SLMAP: variants seen among roughly 807,000 people sequenced by gnomAD.
SLMAP encodes the protein sarcolemmal membrane-associated protein.
In SLMAP, 44 loss-of-function variants were observed where a neutral mutation model predicts 128.8. The ratio of observed to expected loss-of-function variants is 0.34; its 90% CI spans 0.27 to 0.44. SLMAP has a LOEUF of 0.44. SLMAP is among the 20% of genes least tolerant of loss of function. The pLI, the probability that SLMAP is intolerant of heterozygous loss-of-function variation, is 1.00. For missense variants in SLMAP, 787 were observed against 985.3 expected (o/e 0.80, Z 2.69); for synonymous variants, 327 against 348.8 (o/e 0.94, Z 0.70).
Position 57,906,332 on chromosome 3 carries a change from T to C in SLMAP, c.1502-1552T>C, listed in dbSNP as rs1013137441. ...TTTCTTTTTTTTTTTTTTTTTTTTT[T>C]AGAGACACAGTCACTCTCTGTCGCC... On this transcript the variant is annotated intron_variant, in intron 17 of 24. Transcript: ENST00000671191. Among the ~76,000 whole-genome samples the C allele has an allele frequency of 1.6e-3, 222 of 136,958 alleles. 1 individual carries two copies. The highest frequency in any genetic ancestry group is 0.012 in the Admixed American group (146 of 12,432). 89.8% of individuals were successfully genotyped at this position (136,958 alleles called of 152,430 possible). A position where few individuals can be genotyped will look rare whatever the true frequency, so the allele number is the denominator to read the frequency against.
At chr3:57,920,237 C>G (rs571890416) in intron 22 of SLMAP, among the ~76,000 whole-genome samples, 1 of 152,212 alleles carries the variant, frequency 6.6e-6, no homozygotes, top group Non-Finnish European at 1.5e-5. Context: ...CAGATCTTCA[C>G]ATCAACTGAA....
At chr3:57,822,975 T>A (rs967583560) in intron 2 of SLMAP, among the ~76,000 whole-genome samples, 1 of 152,204 alleles carries the variant, frequency 6.6e-6, no homozygotes, top group African/African-American at 2.4e-5. Flanking sequence ...AACAAATGGC[T>A]GGCTGCCACC....
At chr3:57,839,833 G>A (rs2093836693) in intron 3 of SLMAP, among the ~76,000 whole-genome samples, 1 of 151,758 alleles carries the variant, frequency 6.6e-6, no homozygotes, top group Non-Finnish European at 1.5e-5. Flanking sequence ...AGGATTACAG[G>A]CATAAGCCAC....
In SLMAP at chr3:57,849,794, TC is replaced by T; in HGVS notation, c.499del (p.Gln167SerfsTer20). The T allele has an allele frequency of 6.4e-7, 1 of 1,567,714 alleles. No homozygotes were observed. The highest frequency in any genetic ancestry group is 8.8e-7 in the Non-Finnish European group (1 of 1,137,748). Reference sequence around the variant, plus strand: ...CCAAGTATGTACTCTCAGGAACTATTCCAGCTTTCTCAGTATCTACAGGTAA... The same window carrying T: ...CCAAGTATGTACTCTCAGGAACTATTCAGCTTTCTCAGTATCTACAGGTAA... ...NTPSMYSQEL[F>X]QLSQYLQEAL... On this transcript the variant is annotated frameshift_variant, in exon 6 of 25. Transcript: ENST00000671191. LOFTEE classifies it high-confidence loss of function.
At chr3:57,888,169 A>G (rs1173814600) in intron 14 of SLMAP, among the ~76,000 whole-genome samples, 2 of 152,194 alleles carry the variant, frequency 1.3e-5, no homozygotes, top group Non-Finnish European at 1.5e-5. Context: ...TGAAAGTTGT[A>G]TGGTTCTGTG....
intron 2 of SLMAP, among the ~76,000 whole-genome samples, chr3:57,776,442 G>A (rs1207031077): frequency 6.6e-6 from 1 of 150,716 alleles, no homozygotes. Context: ...GATCAAATAA[G>A]TGATCGTTTA....
intron 2 of SLMAP, among the ~76,000 whole-genome samples, chr3:57,787,685 A>G (rs1266133611): frequency 6.6e-6 from 1 of 152,188 alleles, no homozygotes; most frequent in Admixed American, 6.5e-5. Flanking sequence ...CATGTTGGCC[A>G]GGCTGGTCTT....
intron 3 of SLMAP, among the ~76,000 whole-genome samples, chr3:57,833,162 T>C (rs191266312): frequency 6.6e-6 from 1 of 152,286 alleles, no homozygotes; most frequent in Non-Finnish European, 1.5e-5. Context: ...ACAAAAAGGA[T>C]GAGGTAATGA....
At chr3:57,846,419 A>G (rs1413165315) in intron 4 of SLMAP, among the ~76,000 whole-genome samples, 2 of 152,190 alleles carry the variant, frequency 1.3e-5, no homozygotes, top group Non-Finnish European at 2.9e-5. Context: ...TGTTTTGATT[A>G]AAGTTGTTCT....
At chr3:57,922,531 C>T (rs547459536) in intron 22 of SLMAP, among the ~76,000 whole-genome samples, 3 of 150,720 alleles carry the variant, frequency 2.0e-5, no homozygotes, top group South Asian at 2.1e-4. Flanking sequence ...CGGGTTCAAG[C>T]GATTTTCCTG....
chr3:57,790,726 C>CAT (rs2085283964), intron 2 of SLMAP, among the ~76,000 whole-genome samples: 1 of 151,956 alleles, frequency 6.6e-6, no homozygotes, highest in South Asian at 2.1e-4. Flanking sequence ...GAATTTATAC[C>CAT]ATATAAAATA....
At chr3:57,903,038 G>T (rs1177161557) in intron 17 of SLMAP, among the ~76,000 whole-genome samples, 1 of 152,128 alleles carries the variant, frequency 6.6e-6, no homozygotes, top group Non-Finnish European at 1.5e-5. Context: ...ACACAAGAAG[G>T]CTATAGACAG....
At chr3:57,797,119 T>A (rs1026687381) in intron 2 of SLMAP, among the ~76,000 whole-genome samples, 2 of 149,204 alleles carry the variant, frequency 1.3e-5, no homozygotes, top group Non-Finnish European at 3.0e-5. Flanking sequence ...GAGTTGGAGG[T>A]TACAGTGAGC....
At chr3:57,784,197 T>C (rs1436606300) in intron 2 of SLMAP, among the ~76,000 whole-genome samples, 4 of 152,142 alleles carry the variant, frequency 2.6e-5, no homozygotes, top group African/African-American at 9.6e-5. Flanking sequence ...ACCACAGAAC[T>C]ATAGGGCCAC....
At chr3:57,905,456 A>G (rs1057200028) in intron 17 of SLMAP, among the ~76,000 whole-genome samples, 2 of 151,742 alleles carry the variant, frequency 1.3e-5, no homozygotes, top group East Asian at 3.9e-4. Flanking sequence ...TAATTTTCGT[A>G]TTTTTAGTAG....
Position 57,866,428 on chromosome 3 carries a change from G to C in SLMAP, c.1237+1136G>C, listed in dbSNP as rs561753338. Among the ~76,000 whole-genome samples the C allele has an allele frequency of 1.3e-5, 2 of 152,292 alleles. 1 individual carries two copies. Among genetic ancestry groups the C allele is most frequent in the East Asian group, 3.9e-4 (2 of 5,182 alleles). On this transcript the variant is annotated intron_variant, in intron 13 of 24. Coordinates refer to ENST00000671191, the MANE Select transcript of SLMAP (RefSeq NM_001377540.1). ...TTTTGTTTGGTCAGGTTTTAATCAAGAGCTGGCAGTATAGGCTCAGGTAAT... is the reference window on the plus strand; with the variant it reads ...TTTTGTTTGGTCAGGTTTTAATCAACAGCTGGCAGTATAGGCTCAGGTAAT...
chr3:57,898,967 A>T (rs916150817), intron 17 of SLMAP: 2 of 152,222 alleles, frequency 1.3e-5, no homozygotes, highest in African/African-American at 4.8e-5. Flanking sequence ...TGTTGGGAAC[A>T]TAAAATGTTA....
intron 6 of SLMAP, among the ~76,000 whole-genome samples, chr3:57,851,588 C>A (rs1488280399): frequency 6.6e-6 from 1 of 150,578 alleles, no homozygotes; most frequent in Non-Finnish European, 1.5e-5. Flanking sequence ...TTCTCCTGCC[C>A]CAGTCTCCCG....
At chr3:57,864,962 A>G in intron 12 of SLMAP, 105 bp downstream of exon 12, 1 of 878,292 alleles carries the variant, frequency 1.1e-6, no homozygotes, top group South Asian at 1.8e-5. Context: ...TTTATGTATT[A>G]GGTATAAAGT....
Sources: gnomAD v4.1 joint callset for allele counts (sites outside exome capture counted in the v4.1 genomes callset) on GRCh38, gnomAD v4.1.1 for gene constraint, MANE v1.5 for transcripts, NCBI Gene and HGNC (gene_info 2026-07-23, HGNC 2026-07-21) for gene names.